Variants in PEX6 observed in about 807,000 individuals in gnomAD.
The protein encoded by PEX6 is peroxisome biogenesis factor 6.
In PEX6, 55 loss-of-function variants were observed where a neutral mutation model predicts 85.6. That is an observed-to-expected ratio of 0.64 (90% CI 0.52 to 0.80). PEX6 has a LOEUF of 0.80. PEX6 is among the 30% of genes least tolerant of loss of function. The pLI is 0.00. For missense variants in PEX6, 1,099 were observed against 1,260.3 expected (o/e 0.87, Z 1.94); for synonymous variants, 519 against 549.1 (o/e 0.95, Z 0.77).
Position 42,966,515 on chromosome 6 carries a change from TG to T in PEX6, c.2094+9del, listed in dbSNP as rs2114240279. ...GGCTCCTGTCCCACCTCCAAGGACT[TG>T]GTCTCCACCTTGGGGGCTCCAACGG... On this transcript the variant is annotated intron_variant, in intron 10 of 16. Coordinates refer to ENST00000304611, the MANE Select transcript of PEX6 (RefSeq NM_000287.4). 2.5e-6 allele frequency: 4 copies of T among 1,614,154 alleles called. No individual in the cohort carries two copies. Among genetic ancestry groups the T allele is most frequent in the Non-Finnish European group, 3.4e-6 (4 of 1,180,004 alleles).
intron 1 of PEX6, among the ~76,000 whole-genome samples, chr6:42,977,251 CT>C (rs1554128216): frequency 8.7e-4 from 110 of 126,664 alleles, no homozygotes; most frequent in East Asian, 5.0e-3. Flanking sequence ...TGAAACCTCA[CT>C]TTTTTTTTTT....
Position 42,978,684 on chromosome 6 carries a change from G to A in PEX6, c.467C>T (p.Ala156Val). Residue 156 changes from alanine to valine, a missense_variant, in exon 1 of 17, where the codon GCT (alanine) becomes GTT (valine). Coordinates refer to ENST00000304611, the MANE Select transcript of PEX6 (RefSeq NM_000287.4). ...GGCCCGCCCGCGGAGCTCAGTCACA[G>A]CCAGCCGAGTCCCTGGGCCCAGCAG... is the stretch of plus-strand genomic sequence containing the variant. ...QGLLGPGTRL[A>V]VTELRGRARL... is the part of the protein sequence containing the mutation. 3 of 1,554,314 alleles carry A rather than the reference G, an allele frequency of 1.9e-6. No individual in the cohort carries two copies. In the South Asian group the frequency reaches 3.5e-5, roughly 18 times the overall value.
intron 7 of PEX6, among the ~76,000 whole-genome samples, chr6:42,967,947 CTTTT>C (rs34767122): frequency 2.2e-5 from 3 of 136,384 alleles, no homozygotes; most frequent in African/African-American, 8.1e-5. Context: ...CCCGCTCCCC[CTTTT>C]TTTTTTTTTT....
Position 42,979,142 on chromosome 6 carries a change from C to T in PEX6, c.9G>A (p.Leu3=). The change falls in exon 1 of 17, where the codon CTG becomes CTA. Residue 3 remains leucine, a synonymous_variant. Coordinates refer to ENST00000304611, the MANE Select transcript of PEX6 (RefSeq NM_000287.4). The part of the protein sequence containing the change: MA[L]AVLRVLEPFP... Reference sequence around the variant, plus strand: ...AGGGCTCCAGGACCCGCAAGACAGCCAGCGCCATGGTGACAGGACACCAAC... The same window carrying T: ...AGGGCTCCAGGACCCGCAAGACAGCTAGCGCCATGGTGACAGGACACCAAC... 1.3e-6 allele frequency: 2 copies of T among 1,578,350 alleles called. No homozygotes were observed. The highest frequency in any genetic ancestry group is 4.6e-5 in the East Asian group (2 of 43,824).
rs2150233115 is a variant in PEX6 at position 42,971,560 on chromosome 6, C to T, written c.1131-1573G>A. ...GTTTGGGGAAGTGGAGCACCAGGGA[C>T]AGGATGAAGAGGCTACACCAACAGT... On this transcript the variant is annotated intron_variant, in intron 3 of 16. Coordinates refer to ENST00000304611, the MANE Select transcript of PEX6 (RefSeq NM_000287.4). This position sits in a 1 kb window ranked among gnomAD's most constrained non-coding sequence, Gnocchi z 4.4. Among the ~76,000 whole-genome samples, 1 of 152,302 alleles carries T rather than the reference C, an allele frequency of 6.6e-6. No individual in the cohort carries two copies. The highest frequency in any genetic ancestry group is 1.9e-4 in the East Asian group (1 of 5,178).
rs545106357 is a variant in PEX6 at position 42,978,356 on chromosome 6, G to C, written c.795C>G (p.Pro265=). 3 of 1,614,182 alleles carry C rather than the reference G, an allele frequency of 1.9e-6. No homozygotes were observed. Among genetic ancestry groups the C allele is most frequent in the Admixed American group, 3.3e-5 (2 of 60,024 alleles). ...GGACAAGCGCCAGTCCGTCAGCGAGGGGCTCTCCCAGCGGTCCAGAGCCGG... is the reference window on the plus strand; with the variant it reads ...GGACAAGCGCCAGTCCGTCAGCGAGCGGCTCTCCCAGCGGTCCAGAGCCGG... ...LGPGSGPLGE[P]LADGLALVPA... The change falls in exon 1 of 17, where the codon CCC becomes CCG. Residue 265 remains proline (P), a synonymous_variant. Transcript: ENST00000304611.
Position 42,966,824 on chromosome 6 carries a change from G to A in PEX6, c.1919C>T (p.Thr640Ile), listed in dbSNP as rs774073430. 1 of 1,613,658 alleles carries A rather than the reference G, an allele frequency of 6.2e-7. No homozygotes were observed. Among genetic ancestry groups the A allele is most frequent in the Non-Finnish European group, 8.5e-7 (1 of 1,180,014 alleles). ...FVVGDLYALL[T>I]HSSRAACTRI... ...GGTGCAGGCTGCCCGGCTGCTGTGG[G>A]TCAGAAGGGCATAGAGATCCCCTAC... is the stretch of plus-strand genomic sequence containing the variant. Residue 640 changes from threonine (T) to isoleucine (I), a missense_variant, in exon 9 of 17, where the codon ACC becomes ATC. Physicochemically the swap from Thr to Ile is moderately conservative, Grantham distance 89. Coordinates refer to ENST00000304611, the MANE Select transcript of PEX6 (RefSeq NM_000287.4).
rs1233980145 is a variant in PEX6, at chr6:42,978,980, C to G, written c.171G>C (p.Leu57=). 1 of 1,510,462 alleles carries G rather than the reference C, an allele frequency of 6.6e-7. No individual in the cohort carries two copies. Among genetic ancestry groups the G allele is most frequent in the East Asian group, 2.6e-5 (1 of 38,172 alleles). 93.6% of individuals were successfully genotyped at this position (1,510,462 alleles called of 1,614,324 possible). Residue 57 remains leucine, a synonymous_variant, in exon 1 of 17, where the codon CTG becomes CTC. Transcript: ENST00000304611. ...CTTCGGTGCCCGCGTCCGGCCCCTC[C>G]AGGGCTGCCACCAGCAGCGCCGGCC... ...PAGPALLVAA[L]EGPDAGTEEQ...
chr6:42,966,699 C>T, intron 9 of PEX6, 42 bp from the exon 10 acceptor site: 6 of 1,614,096 alleles, frequency 3.7e-6, no homozygotes, highest in Non-Finnish European at 5.1e-6. Context: ...CCATCAGCGT[C>T]CCATTCCCTT....
rs1299458323 is a variant in PEX6, at chr6:42,964,716, A to G, written c.2806+74T>C. The G allele has an allele frequency of 6.3e-7, 1 of 1,586,606 alleles. No individual in the cohort carries two copies. The highest frequency in any genetic ancestry group is 1.3e-5 in the African/African-American group (1 of 74,338). On this transcript the variant is annotated intron_variant, in intron 16 of 16. Coordinates refer to ENST00000304611, the MANE Select transcript of PEX6 (RefSeq NM_000287.4). This position sits in a 1 kb window ranked among gnomAD's most constrained non-coding sequence, Gnocchi z 4.6. ...GCGATCCTCCCACCTCAGCCTCTCAAGTAGCTGGGACTCAGGTGCACCCAG... is the reference window on the plus strand; with the variant it reads ...GCGATCCTCCCACCTCAGCCTCTCAGGTAGCTGGGACTCAGGTGCACCCAG...
Position 42,966,510 on chromosome 6 carries a change from G to A in PEX6, c.2094+15C>T. On this transcript the variant is annotated intron_variant, in intron 10 of 16. Transcript: ENST00000304611. The stretch of plus-strand genomic sequence containing the variant: ...GGAGGGGCTCCTGTCCCACCTCCAA[G>A]GACTTGGTCTCCACCTTGGGGGCTC... 1 of 1,614,178 alleles carries A rather than the reference G, an allele frequency of 6.2e-7. No individual in the cohort carries two copies.
At chr6:42,968,587 G>T in intron 6 of PEX6, 89 bp from the exon 7 acceptor site, 1 of 1,216,164 alleles carries the variant, frequency 8.2e-7, no homozygotes, top group Non-Finnish European at 1.2e-6. Flanking sequence ...GAAGATGTGG[G>T]CCATCTTTTT....
rs1164937509 is a variant in PEX6, at chr6:42,968,812, A to C, written c.1479+62T>G. 4.1e-6 allele frequency: 5 copies of C among 1,212,676 alleles called. No individual in the cohort carries two copies. The East Asian group carries it at 9.3e-5, about 23-fold the overall frequency. 75.1% of individuals were successfully genotyped at this position (1,212,676 alleles called of 1,614,324 possible). On this transcript the variant is annotated intron_variant, in intron 6 of 16. Coordinates refer to ENST00000304611, the MANE Select transcript of PEX6 (RefSeq NM_000287.4). ...GGAGGGAGGGGAGAGGAAGCAGCAG[A>C]GAGGGAGAACATGAGCTGGGGAGGG...
At chr6:42,969,540 C>T (rs1561823537) in intron 5 of PEX6, 128 bp downstream of exon 5, 2 of 1,159,306 alleles carry the variant, frequency 1.7e-6, no homozygotes, top group Non-Finnish European at 2.6e-6. Flanking sequence ...GTAGGACATA[C>T]TGGTTTGAGG....
Position 42,977,251 on chromosome 6 carries a change from C to CCTT in PEX6, c.882+1017_882+1018insAAG, listed in dbSNP as rs34536442. ...ATTAACATACACATCTGAAACCTCA[C>CCTT]TTTTTTTTTTTTTTTTTTTTACACA... On this transcript the variant is annotated intron_variant, in intron 1 of 16. Transcript: ENST00000304611. Among the ~76,000 whole-genome samples, 873 of 126,660 alleles carry CCTT rather than the reference C, an allele frequency of 6.9e-3. 49 individuals are homozygous for CCTT. Among genetic ancestry groups the CCTT allele is most frequent in the Non-Finnish European group, 8.3e-3 (512 of 61,466 alleles). The allele number at this position is 126,660 out of a possible 152,430, so 83.1% of individuals were successfully genotyped here.
chr6:42,974,801 G>T, intron 2 of PEX6, 74 bp downstream of exon 2: 1 of 1,390,696 alleles, frequency 7.2e-7, no homozygotes, highest in Non-Finnish European at 1.0e-6. Flanking sequence ...TGGGGTACTT[G>T]GTTCTAAGGC....
chr6:42,964,830 C>T lies in PEX6; in HGVS notation c.2766G>A (p.Met922Ile), dbSNP rs1769681619. The T allele has an allele frequency of 2.5e-6, 4 of 1,614,170 alleles. No homozygotes were observed. The highest frequency in any genetic ancestry group is 3.4e-6 in the Non-Finnish European group (4 of 1,180,034). The change falls in exon 16 of 17, where the codon ATG becomes ATA. Residue 922 changes from methionine to isoleucine, a missense_variant. Transcript: ENST00000304611. This position sits in a 1 kb window ranked among gnomAD's most constrained non-coding sequence, Gnocchi z 4.6. The stretch of plus-strand genomic sequence containing the variant: ...GAACCCTGCGTTTGAGGGCAGCTGT[C>T]ATAGCATCAGAGCAGAGAGAGTAGA... Reference protein sequence around the residue: ...ADLYSLCSDAMTAALKRRVHD... With the variant: ...ADLYSLCSDAITAALKRRVHD...
In PEX6 at chr6:42,971,117, C is replaced by T. The variant is rs1279965154; in HGVS notation, c.1131-1130G>A. Among the ~76,000 whole-genome samples, 1 of 152,220 alleles carries T rather than the reference C, an allele frequency of 6.6e-6. No homozygotes were observed. Among genetic ancestry groups the T allele is most frequent in the African/African-American group, 2.4e-5 (1 of 41,466 alleles). ...CTCACACTGCCCCACAGTCTCAAAGCTGCTCTCTCTAGCAGCAAAGGGGTG... is the reference window on the plus strand; with the variant it reads ...CTCACACTGCCCCACAGTCTCAAAGTTGCTCTCTCTAGCAGCAAAGGGGTG... On this transcript the variant is annotated intron_variant, in intron 3 of 16. Transcript: ENST00000304611. This position sits in a 1 kb window ranked among gnomAD's most constrained non-coding sequence, Gnocchi z 4.4.
rs959360213 is a variant in PEX6 at position 42,966,665 on chromosome 6, G to A, written c.1962-8C>T. On this transcript the variant is annotated splice_region_variant and splice_polypyrimidine_tract_variant and intron_variant, in intron 9 of 16. Transcript: ENST00000304611. ...GTCAAGCCACCTGCCAAACTGCAAA[G>A]AGGAACACAGGGAAGCCTCCTCACC... 3 of 1,614,020 alleles carry A rather than the reference G, an allele frequency of 1.9e-6. No homozygotes were observed. The highest frequency in any genetic ancestry group is 2.5e-6 in the Non-Finnish European group (3 of 1,180,032).
Sources: allele counts gnomAD v4.1 joint callset (sites outside exome capture counted in the v4.1 genomes callset), GRCh38; gene constraint gnomAD v4.1.1; non-coding constraint Gnocchi (gnomAD v3.1); transcripts MANE v1.5; gene names NCBI Gene and HGNC (gene_info 2026-07-23, HGNC 2026-07-21).